The following RGS3 variants were observed in gnomAD, a reference collection of about 807,000 sequenced individuals.
RGS3 encodes the protein regulator of G protein signaling 3, also known as regulator of G-protein signalling 3.
Under a neutral mutation model 132.6 loss-of-function variants are expected in RGS3, and 80 were observed. That is an observed-to-expected ratio of 0.60 (90% CI 0.50 to 0.73). The LOEUF is 0.73. Among genes scored for constraint, RGS3 ranks in the 30% least tolerant of loss-of-function variants. The pLI is 0.00. For missense variants in RGS3, 1,382 were observed against 1,530.8 expected (o/e 0.90, Z 1.62); for synonymous variants, 598 against 620.6 (o/e 0.96, Z 0.54).
chr9:113,536,612 C>T, intron 18 of RGS3, 184 bp from the exon 17 acceptor site: 2 of 1,441,710 alleles, frequency 1.4e-6, no homozygotes, highest in Non-Finnish European at 1.8e-6. Flanking sequence ...CTTGAACCCA[C>T]TTCCCTGCGC....
chr9:113,514,378 C>T (rs914213964), intron 14 of RGS3, 80 bp from the exon 13 acceptor site: 36 of 1,264,242 alleles, frequency 2.8e-5, no homozygotes, highest in Admixed American at 2.0e-4. Flanking sequence ...GGAATGAGTC[C>T]GTGTCCCCTG....
At chr9:113,587,437 C>T (rs973413104) in intron 20 of RGS3, among the ~76,000 whole-genome samples, 1 of 152,188 alleles carries the variant, frequency 6.6e-6, no homozygotes, top group Non-Finnish European at 1.5e-5. Flanking sequence ...AGCTCTGCCT[C>T]CTCCTCCCTG....
intron 10 of RGS3, among the ~76,000 whole-genome samples, chr9:113,502,998 T>C (rs1391562623): frequency 6.6e-6 from 1 of 152,176 alleles, no homozygotes; most frequent in African/African-American, 2.4e-5. Flanking sequence ...CATATTTATC[T>C]AGGAGGTGTT....
At chr9:113,484,155 A>G in exon 6 of RGS3, 2 of 1,610,298 alleles carry the variant, frequency 1.2e-6, no homozygotes, top group Non-Finnish European at 1.7e-6. Context: ...TGATCCCTGA[A>G]GATAGTAGAC....
chr9:113,456,234 C>T (rs1829359554), upstream of RGS3, among the ~76,000 whole-genome samples: 2 of 152,298 alleles, frequency 1.3e-5, no homozygotes, highest in Middle Eastern at 3.4e-3. Context: ...TATGCATGCT[C>T]ATGGCCTCAC....
intron 10 of RGS3, among the ~76,000 whole-genome samples, chr9:113,499,559 A>G (rs1435503948): frequency 1.3e-5 from 2 of 152,376 alleles, no homozygotes; most frequent in African/African-American, 2.4e-5. Context: ...GCGTATTACA[A>G]TCTACCAAAC....
At chr9:113,489,869 T>C (rs1406249896) in intron 7 of RGS3, among the ~76,000 whole-genome samples, 1 of 152,124 alleles carries the variant, frequency 6.6e-6, no homozygotes, top group African/African-American at 2.4e-5. Flanking sequence ...AAATGTGTGG[T>C]GGTCACATTT....
At position 113,507,523 on chromosome 9, in the gene RGS3, G is replaced by A. The variant is rs752402255; in HGVS notation, c.1322G>A (p.Arg441His). 11 of 1,606,666 alleles carry A rather than the reference G, an allele frequency of 6.8e-6. No individual in the cohort carries two copies. The highest frequency in any genetic ancestry group is 1.1e-5 in the South Asian group (1 of 90,214). ...GGGCTGCTGCTCGGCGGCTGGGAGC[G>A]CTACACCGAGGTGGCCAAGCGCGGG... The change falls in exon 13 of 25, where the codon CGC becomes CAC. Residue 441 changes from arginine (R) to histidine (H), a missense_variant. Coordinates refer to ENST00000350696, the Ensembl canonical transcript of RGS3. The surrounding 1 kb of genome is among the most constrained non-coding windows in gnomAD (Gnocchi z 5.0).
chr9:113,553,459 A>AAAAATATATATATAT (rs1426114805), intron 19 of RGS3, among the ~76,000 whole-genome samples: 1 of 58,704 alleles, frequency 1.7e-5, no homozygotes, highest in Admixed American at 2.7e-4. Context: ...AAAAAAAAAA[A>AAAAATATATATATAT]ATATATATAT....
intron 20 of RGS3, among the ~76,000 whole-genome samples, chr9:113,586,648 T>C (rs1374485286): frequency 4.6e-5 from 7 of 152,210 alleles, no homozygotes; most frequent in African/African-American, 1.7e-4. Flanking sequence ...ACACACCAGT[T>C]CCTGAGCCCT....
chr9:113,447,848 CTTT>C (rs1350413411), intron 1 of RGS3, among the ~76,000 whole-genome samples: 37 of 129,434 alleles, frequency 2.9e-4, no homozygotes, highest in African/African-American at 4.9e-4. Flanking sequence ...TACCCCTAGT[CTTT>C]TTTTTTTTTT....
At chr9:113,501,015 A>G (rs1830862898) in intron 10 of RGS3, among the ~76,000 whole-genome samples, 1 of 152,132 alleles carries the variant, frequency 6.6e-6, no homozygotes, top group Non-Finnish European at 1.5e-5. Flanking sequence ...GTAGTTTCCA[A>G]GTGGCAGGCA....
exon 25 of RGS3, chr9:113,597,105 C>T (rs934246637): frequency 1.9e-5 from 12 of 648,424 alleles, no homozygotes; most frequent in African/African-American, 3.7e-5. Flanking sequence ...AGGCCTGGAC[C>T]AAGAGAGGCC....
At chr9:113,510,989 C>T (rs1831376552) in intron 14 of RGS3, among the ~76,000 whole-genome samples, 1 of 152,192 alleles carries the variant, frequency 6.6e-6, no homozygotes, top group African/African-American at 2.4e-5. Context: ...TCCCCCTCCT[C>T]TGGCTGGGCT....
intron 7 of RGS3, among the ~76,000 whole-genome samples, chr9:113,494,531 G>A (rs981243259): frequency 6.6e-6 from 1 of 152,206 alleles, no homozygotes; most frequent in African/African-American, 2.4e-5. Flanking sequence ...CTTCCCAAGA[G>A]GGAGGAACAG....
At chr9:113,484,107 G>T in intron 5 of RGS3, 31 bp from the exon 4 acceptor site, 1 of 1,368,142 alleles carries the variant, frequency 7.3e-7, no homozygotes, top group Middle Eastern at 1.8e-4. Flanking sequence ...CATGAGATCC[G>T]CTAATCATGC....
intron 18 of RGS3, among the ~76,000 whole-genome samples, chr9:113,532,377 C>T (rs975078039): frequency 6.8e-6 from 1 of 147,800 alleles, no homozygotes; most frequent in Non-Finnish European, 1.5e-5. Flanking sequence ...TTGGCTTGGC[C>T]AAGAGAGAGA....
intron 9 of RGS3, 55 bp downstream of exon 7, chr9:113,497,459 T>C (rs1461472712): frequency 7.0e-7 from 1 of 1,430,366 alleles, no homozygotes; most frequent in African/African-American, 1.4e-5. Flanking sequence ...CTCCCTCCTT[T>C]CCTGCATAGC....
chr9:113,481,976 G>A (rs1489681006), intron 4 of RGS3, among the ~76,000 whole-genome samples: 1 of 151,876 alleles, frequency 6.6e-6, no homozygotes, highest in Non-Finnish European at 1.5e-5. Flanking sequence ...AACCCGGGAG[G>A]TGGAGGTTGC....
Sources: gnomAD v4.1 joint callset for allele counts (sites outside exome capture counted in the v4.1 genomes callset) on GRCh38, gnomAD v4.1.1 for gene constraint, Gnocchi (gnomAD v3.1) non-coding constraint, MANE v1.5 for transcripts, NCBI Gene and HGNC (gene_info 2026-07-23, HGNC 2026-07-21) for gene names.